Variants in ZFR2 observed in about 807,000 individuals in gnomAD.
ZFR2 encodes the protein zinc finger RNA-binding protein 2.
ZFR2 carries 104 observed loss-of-function variants against 105.7 expected under a neutral mutation model. That is an observed-to-expected ratio of 0.98 (90% CI 0.84 to 1.16). The LOEUF is 1.16. Ranked by LOEUF, ZFR2 falls within the 50% of genes most tolerant of loss-of-function variation. The probability of loss-of-function intolerance (pLI) is 0.00; values close to 1 mark genes in which losing one functional copy is unlikely to be tolerated. For missense variants in ZFR2, 1,425 were observed against 1,355.5 expected, an observed-to-expected ratio of 1.05 and a Z score of -0.80; for synonymous variants, 634 against 597.7, an observed-to-expected ratio of 1.06 and a Z score of -0.89.
chr19:3,817,336 A>C (rs1451746899), intron 12 of ZFR2, among the ~76,000 whole-genome samples: 2 of 152,094 alleles, frequency 1.3e-5, no homozygotes, highest in Middle Eastern at 3.4e-3. Flanking sequence ...AGGTGGGCAG[A>C]TCACTTGAGG....
intron 1 of ZFR2, among the ~76,000 whole-genome samples, chr19:3,836,315 T>C (rs140638751): frequency 6.6e-6 from 1 of 152,250 alleles, no homozygotes; most frequent in Non-Finnish European, 1.5e-5. Flanking sequence ...CCAACCGTAT[T>C]TTCTCTTTAA....
chr19:3,807,515 G>A (rs2037710456), intron 17 of ZFR2, among the ~76,000 whole-genome samples: 1 of 152,196 alleles, frequency 6.6e-6, no homozygotes, highest in Non-Finnish European at 1.5e-5. Context: ...TTGTGTGTGT[G>A]TTCGTGCCTG....
rs2037861521 is a variant in ZFR2, at chr19:3,819,223, G to GCCGCCGC, written c.1746_1752dup (p.Pro585AlafsTer59). ...ACGTGCCGGTCGTCGCTGGACGCCGGCCGCCGCCCGGGCTGTGGGGAGAGG... is the reference window on the plus strand; with the variant it reads ...ACGTGCCGGTCGTCGCTGGACGCCGGCCGCCGCCCGCCGCCCGGGCTGTGGGGAGAGG... On this transcript the variant is annotated frameshift_variant, in exon 12 of 19. Transcript: ENST00000262961. LOFTEE classifies it high-confidence loss of function. 2 of 1,545,024 alleles carry GCCGCCGC rather than the reference G, an allele frequency of 1.3e-6. No individual in the cohort carries two copies. Among genetic ancestry groups the GCCGCCGC allele is most frequent in the African/African-American group, 1.4e-5 (1 of 72,990 alleles).
chr19:3,839,554 A>G, intron 1 of ZFR2, among the ~76,000 whole-genome samples: 1 of 125,294 alleles, frequency 8.0e-6, no homozygotes, highest in Non-Finnish European at 1.8e-5. Flanking sequence ...AAAAAAAAAA[A>G]AAAAAAAAAA....
intron 13 of ZFR2, 96 bp from the exon 14 acceptor site, chr19:3,814,054 G>T: frequency 6.5e-7 from 1 of 1,530,776 alleles, no homozygotes; most frequent in Middle Eastern, 1.9e-4. Context: ...AATTAATCCC[G>T]TCGGGCCTCC....
At chr19:3,831,249 A>G in intron 5 of ZFR2, 54 bp downstream of exon 5, 1 of 1,440,624 alleles carries the variant, frequency 6.9e-7, no homozygotes, top group East Asian at 2.5e-5. Flanking sequence ...TCGGGTTCAG[A>G]CGTTGGGGAC....
At position 3,823,231 on chromosome 19, in the gene ZFR2, A is replaced by G. The variant is rs766477536; in HGVS notation, c.1371+15T>C. On this transcript the variant is annotated intron_variant, in intron 8 of 18. Transcript: ENST00000262961. This position sits in a 1 kb window ranked among gnomAD's most constrained non-coding sequence, Gnocchi z 5.4. ...TCCCTGACCGGGGCACCAGGACTTG[A>G]CAGCCTCGACTTACCTCCTCCACAT... 5.0e-6 allele frequency: 8 copies of G among 1,613,742 alleles called. No individual in the cohort carries two copies. Among genetic ancestry groups the G allele is most frequent in the Non-Finnish European group, 6.8e-6 (8 of 1,179,866 alleles).
At chr19:3,827,256 A>G (rs568206307) in intron 6 of ZFR2, among the ~76,000 whole-genome samples, 1 of 152,332 alleles carries the variant, frequency 6.6e-6, no homozygotes, top group East Asian at 1.9e-4. Context: ...AAAAAAAATA[A>G]TAAAATGAAA....
At chr19:3,842,709 T>A (rs540803527) in intron 1 of ZFR2, among the ~76,000 whole-genome samples, 12 of 151,912 alleles carry the variant, frequency 7.9e-5, no homozygotes, top group South Asian at 6.2e-4. Context: ...CTGCAACCTC[T>A]GCCCCCAGGG....
In ZFR2 at chr19:3,823,360, C is replaced by T. The variant is rs370537738; in HGVS notation, c.1257G>A (p.Gly419=). Residue 419 remains glycine (G), a synonymous_variant, in exon 8 of 19, where the codon GGG becomes GGA. Transcript: ENST00000262961. This position sits in a 1 kb window ranked among gnomAD's most constrained non-coding sequence, Gnocchi z 5.4. ...PQAAGCRPQW[G]KPAQPKLEGP... The stretch of plus-strand genomic sequence containing the variant: ...CCTCTAATTTAGGTTGGGCTGGTTT[C>T]CCCCACTGGGGTCTGCAGCCTGCTG... The T allele has an allele frequency of 6.2e-6, 10 of 1,613,624 alleles. No homozygotes were observed. Among genetic ancestry groups the T allele is most frequent in the African/African-American group, 1.3e-5 (1 of 74,934 alleles).
intron 1 of ZFR2, among the ~76,000 whole-genome samples, chr19:3,837,546 CGAT>C (rs1394434460): frequency 2.0e-5 from 3 of 149,548 alleles, no homozygotes; most frequent in Admixed American, 6.6e-5. Context: ...CCGTGACACT[CGAT>C]GAACACCGTG....
intron 6 of ZFR2, 87 bp from the exon 7 acceptor site, chr19:3,825,494 G>A (rs2037939553): frequency 1.1e-5 from 16 of 1,484,914 alleles, no homozygotes; most frequent in Middle Eastern, 4.8e-4. Flanking sequence ...CTCCACGGGC[G>A]TGCAGCGCGA....
chr19:3,868,332 T>G (rs931979646), intron 1 of ZFR2, among the ~76,000 whole-genome samples: 1 of 145,330 alleles, frequency 6.9e-6, no homozygotes, highest in Admixed American at 6.8e-5. Flanking sequence ...TCCATCCCCC[T>G]GCCCGGCCAG....
chr19:3,819,095 T>G lies in ZFR2; in HGVS notation c.1881A>C (p.Thr627=), dbSNP rs2301838. The change falls in exon 12 of 19, where the codon ACA becomes ACC. Residue 627 remains threonine (T), a synonymous_variant. Transcript: ENST00000262961. The part of the protein sequence containing the change: ...AERALKLVSD[T]LAEEDRGRRE... Reference sequence around the variant, plus strand: ...GGCGGCCCCGGTCCTCCTCGGCCAGTGTGTCGGACACCAGCTTGAGGGCCC... The same window carrying G: ...GGCGGCCCCGGTCCTCCTCGGCCAGGGTGTCGGACACCAGCTTGAGGGCCC... 3.7e-6 allele frequency: 6 copies of G among 1,612,292 alleles called. No homozygotes were observed. The Admixed American group carries it at 5.0e-5, about 13-fold the overall frequency.
At position 3,817,597 on chromosome 19, in the gene ZFR2, A is replaced by G. The variant is rs1196977587; in HGVS notation, c.1932-752T>C. 2.1e-5 allele frequency among the ~76,000 whole-genome samples: 3 copies of G among 142,130 alleles called. No individual in the cohort carries two copies. The East Asian group carries it at 6.2e-4, about 29-fold the overall frequency. The allele number at this position is 142,130 out of a possible 152,430, so 93.2% of individuals were successfully genotyped here. ...TAATAATAATAATAATAATAATAAT[A>G]ATAATAATAATTAGCTGGGTGTGGT... On this transcript the variant is annotated intron_variant, in intron 12 of 18. Transcript: ENST00000262961.
Position 3,844,015 on chromosome 19 carries a change from G to GGGGT in ZFR2, c.54-9033_54-9032insACCC, listed in dbSNP as rs1268498724. Among the ~76,000 whole-genome samples the GGGGT allele has an allele frequency of 3.0e-3, 382 of 128,934 alleles. 4 individuals carry two copies. Among genetic ancestry groups the GGGGT allele is most frequent in the African/African-American group, 0.013 (372 of 29,466 alleles). The allele number at this position is 128,934 out of a possible 152,430, so 84.6% of individuals were successfully genotyped here. A position where few individuals can be genotyped will look rare whatever the true frequency, so the allele number is the denominator to read the frequency against. On this transcript the variant is annotated intron_variant, in intron 1 of 18. Transcript: ENST00000262961. Reference sequence around the variant, plus strand: ...TCACAGAGACAGAAAGTAGGATGTGGGGGGGGGGGTGCCAGGGACCGGGGA... The same window carrying GGGGT: ...TCACAGAGACAGAAAGTAGGATGTGGGGGTGGGGGGGGGTGCCAGGGACCGGGGA...
chr19:3,855,693 G>T, intron 1 of ZFR2: 1 of 367,642 alleles, frequency 2.7e-6, no homozygotes, highest in Non-Finnish European at 4.8e-6. Flanking sequence ...TGGTCATGGC[G>T]GGCCTGGTGG....
At chr19:3,807,788 G>A (rs1169530020) in intron 17 of ZFR2, among the ~76,000 whole-genome samples, 2 of 149,886 alleles carry the variant, frequency 1.3e-5, no homozygotes, top group African/African-American at 4.9e-5. Flanking sequence ...GTATGCATGT[G>A]CGCCTGTGTG....
intron 13 of ZFR2, among the ~76,000 whole-genome samples, chr19:3,815,272 T>A (rs996609928): frequency 6.6e-6 from 1 of 152,040 alleles, no homozygotes; most frequent in Admixed American, 6.6e-5. Flanking sequence ...GTATTTTTAG[T>A]ACAGATGGGG....
Sources: gnomAD v4.1 joint callset for allele counts (sites outside exome capture counted in the v4.1 genomes callset) on GRCh38, gnomAD v4.1.1 for gene constraint, Gnocchi (gnomAD v3.1) non-coding constraint, MANE v1.5 for transcripts, NCBI Gene and HGNC (gene_info 2026-07-23, HGNC 2026-07-21) for gene names.